CAMTA1: variants seen among roughly 807,000 people sequenced by gnomAD.
CAMTA1 encodes calmodulin binding transcription activator 1, also known as calmodulin-binding transcription activator 1.
CAMTA1 carries 27 observed loss-of-function variants against 170.9 expected under a neutral mutation model. That is an observed-to-expected ratio of 0.16 (90% CI 0.12 to 0.22). The LOEUF is 0.22. CAMTA1 is among the 10% of genes least tolerant of loss of function. CAMTA1 has a pLI of 1.00. For synonymous variants in CAMTA1, 833 were observed against 891.5 expected (o/e 0.93, Z 1.17); for missense variants, 1,619 against 2,217.2 (o/e 0.73, Z 5.42).
Position 7,547,866 on chromosome 1 carries a change from G to A in CAMTA1, c.510+79965G>A, listed in dbSNP as rs780229903. ...CCCAGACTCTGACACCCCTTGCAAG[G>A]GCACTCCACTGTGTGGACCCCCCAC... is the stretch of plus-strand genomic sequence containing the variant. On this transcript the variant is annotated intron_variant, in intron 6 of 22. Coordinates refer to ENST00000303635, the MANE Select transcript of CAMTA1 (RefSeq NM_015215.4). The surrounding 1 kb of genome is among the most constrained non-coding windows in gnomAD (Gnocchi z 5.7). Among the ~76,000 whole-genome samples the A allele has an allele frequency of 4.6e-5, 7 of 152,004 alleles. No individual in the cohort carries two copies. Among genetic ancestry groups the A allele is most frequent in the Non-Finnish European group, 8.8e-5 (6 of 68,016 alleles).
chr1:7,422,891 CT>C (rs1279037105), intron 5 of CAMTA1, among the ~76,000 whole-genome samples: 1 of 152,230 alleles, frequency 6.6e-6, no homozygotes, highest in Non-Finnish European at 1.5e-5. Flanking sequence ...GCGAGGGGCC[CT>C]TTGCAAACCT....
At chr1:7,201,444 T>C (rs764592689) in intron 4 of CAMTA1, among the ~76,000 whole-genome samples, 1 of 152,202 alleles carries the variant, frequency 6.6e-6, no homozygotes, top group African/African-American at 2.4e-5. Context: ...GTTTCATTAC[T>C]TGAGGAACTG....
chr1:7,144,372 A>C lies in CAMTA1; in HGVS notation c.302+53001A>C, dbSNP rs1042092727. 7.0e-4 allele frequency among the ~76,000 whole-genome samples: 106 copies of C among 152,316 alleles called. 2 individuals carry two copies. The highest frequency in any genetic ancestry group is 2.5e-3 in the African/African-American group (103 of 41,552). On this transcript the variant is annotated intron_variant, in intron 4 of 22. Coordinates refer to ENST00000303635, the MANE Select transcript of CAMTA1 (RefSeq NM_015215.4). The surrounding 1 kb of genome is among the most constrained non-coding windows in gnomAD (Gnocchi z 4.0). ...TAAGGCCACCAATTCTATTGGATAC[A>C]GACCCTATCTGACCTCATTTAACCT...
At chr1:7,128,402 C>T (rs1408472553) in intron 4 of CAMTA1, among the ~76,000 whole-genome samples, 2 of 152,180 alleles carry the variant, frequency 1.3e-5, no homozygotes, top group East Asian at 3.9e-4. Flanking sequence ...TGACATTTAG[C>T]TAACACCTTA....
chr1:6,987,758 G>A (rs981156712), intron 3 of CAMTA1, among the ~76,000 whole-genome samples: 6 of 152,314 alleles, frequency 3.9e-5, no homozygotes, highest in Middle Eastern at 3.4e-3. Flanking sequence ...AATCCTGTAG[G>A]TCGTTGAGGA....
intron 1 of CAMTA1, among the ~76,000 whole-genome samples, chr1:6,794,890 G>GTTTTTTT (rs61310345): frequency 6.8e-6 from 1 of 147,048 alleles, no homozygotes; most frequent in African/African-American, 2.5e-5. Flanking sequence ...CTTTTTTTTT[G>GTTTTTTT]TTTTTTTTGT....
intron 5 of CAMTA1, among the ~76,000 whole-genome samples, chr1:7,291,580 A>G (rs1445656452): frequency 1.3e-5 from 2 of 152,238 alleles, no homozygotes; most frequent in East Asian, 3.9e-4. Context: ...CGCTGCTGGG[A>G]GATCCCCTCT....
chr1:7,283,205 A>G (rs1557435670), intron 5 of CAMTA1, among the ~76,000 whole-genome samples: 1 of 152,160 alleles, frequency 6.6e-6, no homozygotes, highest in East Asian at 1.9e-4. Flanking sequence ...GATGCACTTT[A>G]CACACTGCCA....
intron 5 of CAMTA1, among the ~76,000 whole-genome samples, chr1:7,296,705 A>C (rs951777901): frequency 3.3e-5 from 5 of 152,146 alleles, no homozygotes; most frequent in Non-Finnish European, 7.4e-5. Flanking sequence ...GTCAAGGGTG[A>C]TGTTCAGATG....
At chr1:6,977,382 C>G (rs777188576) in intron 3 of CAMTA1, among the ~76,000 whole-genome samples, 1 of 151,814 alleles carries the variant, frequency 6.6e-6, no homozygotes, top group Non-Finnish European at 1.5e-5. Context: ...GCTCTGTCAC[C>G]CAGGCTGGAG....
chr1:7,387,313 G>A (rs1299699842), intron 5 of CAMTA1, among the ~76,000 whole-genome samples: 1 of 151,826 alleles, frequency 6.6e-6, no homozygotes, highest in Non-Finnish European at 1.5e-5. Context: ...CTCTCCCACC[G>A]ACATGGCACC....
At chr1:7,494,914 GA>G (rs2093801448) in intron 6 of CAMTA1, among the ~76,000 whole-genome samples, 1 of 152,184 alleles carries the variant, frequency 6.6e-6, no homozygotes, top group South Asian at 2.1e-4. Flanking sequence ...GTGTCCTGAG[GA>G]AGAGGACGCT....
intron 5 of CAMTA1, among the ~76,000 whole-genome samples, chr1:7,343,176 T>C (rs1013534179): frequency 1.3e-5 from 2 of 152,188 alleles, no homozygotes; most frequent in Admixed American, 6.5e-5. Flanking sequence ...GTAATATCTT[T>C]CCGTGTTAAG....
At chr1:7,289,213 G>A (rs1386173238) in intron 5 of CAMTA1, among the ~76,000 whole-genome samples, 2 of 152,080 alleles carry the variant, frequency 1.3e-5, no homozygotes, top group Non-Finnish European at 2.9e-5. Context: ...CCAACACTGG[G>A]GATTACAATT....
intron 5 of CAMTA1, among the ~76,000 whole-genome samples, chr1:7,364,893 A>G (rs1402298233): frequency 6.6e-6 from 1 of 152,252 alleles, no homozygotes; most frequent in African/African-American, 2.4e-5. Flanking sequence ...GAGTGAATGA[A>G]TGAATGAGCC....
At chr1:7,016,427 G>A (rs921651179) in intron 3 of CAMTA1, among the ~76,000 whole-genome samples, 3 of 152,248 alleles carry the variant, frequency 2.0e-5, no homozygotes, top group Non-Finnish European at 4.4e-5. Context: ...TGTCGAATGG[G>A]TGAATGAATG....
At chr1:7,410,913 GTGTGTGTGTGTATGTC>G (rs2090672891) in intron 5 of CAMTA1, among the ~76,000 whole-genome samples, 1 of 151,806 alleles carries the variant, frequency 6.6e-6, no homozygotes. Flanking sequence ...GTGTGTGTGT[GTGTGTGTGTGTATGTC>G]TGTGTGTATG....
intron 3 of CAMTA1, among the ~76,000 whole-genome samples, chr1:7,072,838 TAGCAA>T (rs1353214845): frequency 6.6e-6 from 1 of 151,992 alleles, no homozygotes; most frequent in Non-Finnish European, 1.5e-5. Flanking sequence ...GTTCAGGGAG[TAGCAA>T]GGGGACTGTG....
rs1452074766 is a variant in CAMTA1, at chr1:7,602,134, TCCTTCCTTCCTC to T, written c.511-38262_511-38251del. ...TTCCTTCCTTCCTTCCTTCCTTCCT[TCCTTCCTTCCTC>T]CCTCCCTCCCTCCCTCCTCCCTTCC... On this transcript the variant is annotated intron_variant, in intron 6 of 22. Transcript: ENST00000303635. 1.7e-3 allele frequency among the ~76,000 whole-genome samples: 219 copies of T among 128,308 alleles called. 1 individual carries two copies. The highest frequency in any genetic ancestry group is 6.8e-3 in the African/African-American group (191 of 28,034). 84.2% of individuals were successfully genotyped at this position (128,308 alleles called of 152,430 possible). A position where few individuals can be genotyped will look rare whatever the true frequency, so the allele number is the denominator to read the frequency against.
Sources: gnomAD v4.1 joint callset for allele counts (sites outside exome capture counted in the v4.1 genomes callset) on GRCh38, gnomAD v4.1.1 for gene constraint, Gnocchi (gnomAD v3.1) non-coding constraint, MANE v1.5 for transcripts, NCBI Gene and HGNC (gene_info 2026-07-23, HGNC 2026-07-21) for gene names.